SH3RF3: variants seen among roughly 807,000 people sequenced by gnomAD.
The protein encoded by SH3RF3 is E3 ubiquitin-protein ligase SH3RF3.
Under a neutral mutation model 66.3 loss-of-function variants are expected in SH3RF3, and 29 were observed. The ratio of observed to expected loss-of-function variants is 0.44; its 90% confidence interval spans 0.33 to 0.60. SH3RF3 has a LOEUF of 0.60. SH3RF3 is among the 20% of genes least tolerant of loss of function. The pLI is 0.04. For synonymous variants in SH3RF3, 583 were observed against 532.0 expected (o/e 1.10, Z -1.32); for missense variants, 1,194 against 1,190.9 (o/e 1.00, Z -0.04).
At chr2:109,190,689 G>A (rs911985438) in intron 1 of SH3RF3, among the ~76,000 whole-genome samples, 1 of 152,070 alleles carries the variant, frequency 6.6e-6, no homozygotes, top group Non-Finnish European at 1.5e-5. Context: ...AAAATCACCT[G>A]CTGATGGTCT....
intron 1 of SH3RF3, among the ~76,000 whole-genome samples, chr2:109,293,464 C>T (rs1310999688): frequency 6.6e-6 from 1 of 152,190 alleles, no homozygotes; most frequent in East Asian, 1.9e-4. Flanking sequence ...GGGCTGCCTG[C>T]CCTACCCTGC....
chr2:109,212,231 A>G (rs1679002253), intron 1 of SH3RF3, among the ~76,000 whole-genome samples: 1 of 151,468 alleles, frequency 6.6e-6, no homozygotes, highest in Non-Finnish European at 1.5e-5. Flanking sequence ...CCTCTTCTTG[A>G]CTCCTCACTT....
chr2:109,487,387 G>A (rs970117281), intron 8 of SH3RF3, among the ~76,000 whole-genome samples: 1 of 152,176 alleles, frequency 6.6e-6, no homozygotes, highest in East Asian at 1.9e-4. Context: ...TGGATTCCGT[G>A]AGCATGACGA....
chr2:109,359,354 A>C (rs1683010463), intron 2 of SH3RF3, among the ~76,000 whole-genome samples: 1 of 152,272 alleles, frequency 6.6e-6, no homozygotes, highest in Non-Finnish European at 1.5e-5. Flanking sequence ...CTATACAACA[A>C]GTTGAAAAGA....
At chr2:109,376,749 T>G (rs1683394918) in intron 3 of SH3RF3, among the ~76,000 whole-genome samples, 1 of 152,222 alleles carries the variant, frequency 6.6e-6, no homozygotes, top group Non-Finnish European at 1.5e-5. Flanking sequence ...AGTGGTCACC[T>G]AGGTAGACCC....
In SH3RF3 at chr2:109,496,127, C is replaced by T. The variant is rs185285820; in HGVS notation, c.2480+5191C>T. ...ATGTTCTGTTTTTGTCCTATCAGAA[C>T]GCCCTTTTTTCCATCCTCCCTGTGA... On this transcript the variant is annotated intron_variant, in intron 9 of 9. Transcript: ENST00000309415. 1.6e-4 allele frequency among the ~76,000 whole-genome samples: 24 copies of T among 152,322 alleles called. 1 individual carries two copies. The East Asian group carries it at 1.7e-3, about 11-fold the overall frequency.
chr2:109,482,586 C>T (rs1187423650), intron 8 of SH3RF3, among the ~76,000 whole-genome samples: 1 of 152,234 alleles, frequency 6.6e-6, no homozygotes, highest in Non-Finnish European at 1.5e-5. Flanking sequence ...GGGGCCATGA[C>T]CCCTAAGAGG....
At chr2:109,229,301 A>ACTTC (rs1339671689) in intron 1 of SH3RF3, among the ~76,000 whole-genome samples, 1 of 152,168 alleles carries the variant, frequency 6.6e-6, no homozygotes, top group Admixed American at 6.5e-5. Context: ...CCCACACCCC[A>ACTTC]CTTCCTCTGT....
chr2:109,147,623 G>A (rs1353926419), intron 1 of SH3RF3, among the ~76,000 whole-genome samples: 2 of 152,192 alleles, frequency 1.3e-5, no homozygotes, highest in East Asian at 1.9e-4. Flanking sequence ...GCGTGTTATC[G>A]ATTCCCAGTT....
chr2:109,255,180 G>T (rs530237675), intron 1 of SH3RF3, among the ~76,000 whole-genome samples: 1 of 152,298 alleles, frequency 6.6e-6, no homozygotes, highest in South Asian at 2.1e-4. Context: ...CTTTGTGTGT[G>T]TGGCATTTCA....
At chr2:109,408,023 C>CCTT (rs1676492127) in intron 4 of SH3RF3, among the ~76,000 whole-genome samples, 3 of 152,146 alleles carry the variant, frequency 2.0e-5, no homozygotes, top group South Asian at 4.2e-4. Flanking sequence ...TGGGCAGAGT[C>CCTT]AGGAAAGATC....
intron 1 of SH3RF3, among the ~76,000 whole-genome samples, chr2:109,290,599 T>C (rs1429001281): frequency 6.6e-6 from 1 of 152,214 alleles, no homozygotes; most frequent in Non-Finnish European, 1.5e-5. Flanking sequence ...TCAATGCAAG[T>C]CCTAAGTCTT....
intron 1 of SH3RF3, among the ~76,000 whole-genome samples, chr2:109,157,180 G>T (rs1677366806): frequency 3.9e-5 from 6 of 152,110 alleles, no homozygotes; most frequent in Admixed American, 3.9e-4. Context: ...TATCAGAGGG[G>T]ATCATAGTAT....
chr2:109,162,776 G>A (rs1419283981), intron 1 of SH3RF3, among the ~76,000 whole-genome samples: 2 of 152,184 alleles, frequency 1.3e-5, no homozygotes, highest in Non-Finnish European at 2.9e-5. Context: ...GGTATTTCTA[G>A]TTCTAGATCC....
intron 1 of SH3RF3, among the ~76,000 whole-genome samples, chr2:109,343,766 A>G (rs1226500593): frequency 6.9e-6 from 1 of 145,390 alleles, no homozygotes; most frequent in Non-Finnish European, 1.5e-5. Flanking sequence ...TTTCTTAGAC[A>G]CAGGTTCTTG....
chr2:109,410,001 C>T (rs1193048785), intron 4 of SH3RF3, among the ~76,000 whole-genome samples: 1 of 152,124 alleles, frequency 6.6e-6, no homozygotes, highest in Admixed American at 6.5e-5. Context: ...GAAAGAGACT[C>T]GGAGCCCCCG....
chr2:109,387,861 G>T (rs543823138), intron 3 of SH3RF3, among the ~76,000 whole-genome samples: 9 of 131,088 alleles, frequency 6.9e-5, no homozygotes, highest in Non-Finnish European at 1.2e-4. Flanking sequence ...AGATGGTTGG[G>T]GGGGGGGTCT....
chr2:109,299,739 C>T (rs1681411019), intron 1 of SH3RF3, among the ~76,000 whole-genome samples: 1 of 152,180 alleles, frequency 6.6e-6, no homozygotes, highest in Non-Finnish European at 1.5e-5. Context: ...TCAAGCAAGG[C>T]TTTTCTTTCA....
chr2:109,419,429 G>A (rs921239198), intron 4 of SH3RF3, 110 bp from the exon 5 acceptor site: 4 of 1,163,278 alleles, frequency 3.4e-6, no homozygotes, highest in Non-Finnish European at 4.9e-6. Context: ...CAAACAGCCA[G>A]GCAGCTGGCG....
Sources: gnomAD v4.1 joint callset for allele counts (sites outside exome capture counted in the v4.1 genomes callset) on GRCh38, gnomAD v4.1.1 for gene constraint, MANE v1.5 for transcripts, NCBI Gene and HGNC (gene_info 2026-07-23, HGNC 2026-07-21) for gene names.